The following GJD2 variants were observed in gnomAD, a reference collection of about 807,000 sequenced individuals.
The protein encoded by GJD2 is gap junction delta-2 protein.
In GJD2, 12 loss-of-function variants were observed where a neutral mutation model predicts 24.3. The ratio of observed to expected loss-of-function variants is 0.49; its 90% CI spans 0.32 to 0.80. The LOEUF (loss-of-function observed/expected upper bound fraction) is 0.80. Ranked by LOEUF, GJD2 falls within the 30% of genes least tolerant of loss-of-function variation. The pLI is 0.04. For synonymous variants in GJD2, 171 were observed against 155.2 expected, an observed-to-expected ratio of 1.10 and a Z score of -0.76; for missense variants, 268 against 402.4, an observed-to-expected ratio of 0.67 and a Z score of 2.86.
rs1426093751 is a variant in GJD2 at position 34,754,554 on chromosome 15, C to T, written c.-66G>A. 17 of 1,304,730 alleles carry T rather than the reference C, an allele frequency of 1.3e-5. No homozygotes were observed. The highest frequency in any genetic ancestry group is 1.9e-5 in the Non-Finnish European group (17 of 900,494). The allele number at this position is 1,304,730 out of a possible 1,614,324, so 80.8% of individuals were successfully genotyped here. A position where few individuals can be genotyped will look rare whatever the true frequency, so the allele number is the denominator to read the frequency against. Reference sequence around the variant, plus strand: ...CCGGGCACGTTCCCGCTCCTGGCCCCTCCCCGGGCCGCACTTCCAGAATGG... The same window carrying T: ...CCGGGCACGTTCCCGCTCCTGGCCCTTCCCCGGGCCGCACTTCCAGAATGG... On this transcript the variant is annotated 5_prime_UTR_variant, in exon 1 of 2. Coordinates refer to ENST00000290374, the MANE Select transcript of GJD2 (RefSeq NM_020660.3). This position sits in a 1 kb window ranked among gnomAD's most constrained non-coding sequence, Gnocchi z 5.9.
At position 34,754,316 on chromosome 15, in the gene GJD2, G is replaced by T; in HGVS notation, c.71+102C>A. 1.2e-6 allele frequency: 1 copy of T among 821,604 alleles called. No individual in the cohort carries two copies. Among genetic ancestry groups the T allele is most frequent in the East Asian group, 2.6e-5 (1 of 38,838 alleles). The allele number at this position is 821,604 out of a possible 1,614,324, so 50.9% of individuals were successfully genotyped here. A position where few individuals can be genotyped will look rare whatever the true frequency, so the allele number is the denominator to read the frequency against. On this transcript the variant is annotated intron_variant, in intron 1 of 1. Coordinates refer to ENST00000290374, the MANE Select transcript of GJD2 (RefSeq NM_020660.3). The surrounding 1 kb of genome is among the most constrained non-coding windows in gnomAD (Gnocchi z 5.9). ...CCTAGGACGATGGGGAGGAGGCAGA[G>T]GACGGACTGGGGATTGGAGCGGGAG...
In GJD2 at chr15:34,751,240, G is replaced by A. The variant is rs976641921; in HGVS notation, c.*1238C>T. On this transcript the variant is annotated 3_prime_UTR_variant, in exon 2 of 2. Coordinates refer to ENST00000290374, the MANE Select transcript of GJD2 (RefSeq NM_020660.3). The stretch of plus-strand genomic sequence containing the variant: ...TACAGTATGGCACTTAAATAAATAA[G>A]AGCAAAAAGAAGAAAACATATTGAC... 9 of 152,114 alleles carry A rather than the reference G, an allele frequency of 5.9e-5. No homozygotes were observed. The highest frequency in any genetic ancestry group is 2.1e-4 in the South Asian group (1 of 4,834). The allele number at this position is 152,114 out of a possible 1,614,324, so 9.4% of individuals were successfully genotyped here.
chr15:34,754,102 G>T lies in GJD2; in HGVS notation c.71+316C>A, dbSNP rs779682146. Among the ~76,000 whole-genome samples, 36 of 152,228 alleles carry T rather than the reference G, an allele frequency of 2.4e-4. No homozygotes were observed. Among genetic ancestry groups the T allele is most frequent in the Admixed American group, 7.8e-4 (12 of 15,290 alleles). The stretch of plus-strand genomic sequence containing the variant: ...GATTCTATTTAGGGAACCAAATGGA[G>T]ATTGGCTCTGACTCTGGAGAGTGGA... On this transcript the variant is annotated intron_variant, in intron 1 of 1. Transcript: ENST00000290374. The surrounding 1 kb of genome is among the most constrained non-coding windows in gnomAD (Gnocchi z 5.9).
Position 34,751,070 on chromosome 15 carries a change from C to T in GJD2, c.*1408G>A, listed in dbSNP as rs1359767966. 1.3e-5 allele frequency: 2 copies of T among 152,158 alleles called. No individual in the cohort carries two copies. Among genetic ancestry groups the T allele is most frequent in the African/African-American group, 4.8e-5 (2 of 41,432 alleles). 9.4% of individuals were successfully genotyped at this position (152,158 alleles called of 1,614,324 possible). A position where few individuals can be genotyped will look rare whatever the true frequency, so the allele number is the denominator to read the frequency against. ...GGCAAGAACTTTATTTTAAACAAAT[C>T]CTTAGTTGTGTGTTACACCATGTCC... On this transcript the variant is annotated 3_prime_UTR_variant, in exon 2 of 2. Coordinates refer to ENST00000290374, the MANE Select transcript of GJD2 (RefSeq NM_020660.3).
Position 34,752,384 on chromosome 15 carries a change from G to T in GJD2, c.*94C>A. On this transcript the variant is annotated 3_prime_UTR_variant, in exon 2 of 2. Coordinates refer to ENST00000290374, the MANE Select transcript of GJD2 (RefSeq NM_020660.3). ...TCTTATCCTACATCTTAATGGTGAG[G>T]GTCACATAAATGAGGGTGGATACAG... The T allele has an allele frequency of 1.0e-6, 1 of 978,380 alleles. No individual in the cohort carries two copies. The highest frequency in any genetic ancestry group is 1.5e-6 in the Non-Finnish European group (1 of 650,136). The allele number at this position is 978,380 out of a possible 1,614,324, so 60.6% of individuals were successfully genotyped here. A position where few individuals can be genotyped will look rare whatever the true frequency, so the allele number is the denominator to read the frequency against.
Position 34,751,452 on chromosome 15 carries a change from T to C in GJD2, c.*1026A>G. ...TAAATCAGGATTGACATGGGATGAT[T>C]AAGGTCTCTGGTGTAAGCACACAGG... On this transcript the variant is annotated 3_prime_UTR_variant, in exon 2 of 2. Transcript: ENST00000290374. 6.6e-6 allele frequency: 1 copy of C among 152,140 alleles called. No homozygotes were observed. The highest frequency in any genetic ancestry group is 1.5e-5 in the Non-Finnish European group (1 of 68,026). 9.4% of individuals were successfully genotyped at this position (152,140 alleles called of 1,614,324 possible).
rs1250385765 is a variant in GJD2, at chr15:34,754,445, A to G, written c.44T>C (p.Val15Ala). 1 of 1,613,838 alleles carries G rather than the reference A, an allele frequency of 6.2e-7. No individual in the cohort carries two copies. The highest frequency in any genetic ancestry group is 8.5e-7 in the Non-Finnish European group (1 of 1,179,932). ...TILERLLEAA[V>A]QQHSTMIGRI... is the part of the protein sequence containing the mutation. The stretch of plus-strand genomic sequence containing the variant: ...CCCGATCATAGTGGAGTGCTGCTGC[A>G]CCGCGGCTTCTAGCAGCCTCTCCAA... The change falls in exon 1 of 2, where the codon GTG (valine) becomes GCG (alanine). Residue 15 changes from valine to alanine, a missense_variant. Physicochemically the swap from Val to Ala is moderately conservative, Grantham distance 64. Around this residue, in one of 3 missense-constraint regions of GJD2, gnomAD observed 66 missense variants for 129.5 expected, o/e 0.51. Coordinates refer to ENST00000290374, the MANE Select transcript of GJD2 (RefSeq NM_020660.3). The surrounding 1 kb of genome is among the most constrained non-coding windows in gnomAD (Gnocchi z 5.9).
In GJD2 at chr15:34,751,335, C is replaced by A. The variant is rs1379198927; in HGVS notation, c.*1143G>T. 4 of 152,126 alleles carry A rather than the reference C, an allele frequency of 2.6e-5. No individual in the cohort carries two copies. 9.4% of individuals were successfully genotyped at this position (152,126 alleles called of 1,614,324 possible). On this transcript the variant is annotated 3_prime_UTR_variant, in exon 2 of 2. Transcript: ENST00000290374. Reference sequence around the variant, plus strand: ...TAAGTCACCGTAAACACACGTTAGCCAATAGTGTTTAGTTGCAGGTCTTTT... The same window carrying A: ...TAAGTCACCGTAAACACACGTTAGCAAATAGTGTTTAGTTGCAGGTCTTTT...
In GJD2 at chr15:34,753,190, A is replaced by G. The variant is rs773974980; in HGVS notation, c.254T>C (p.Met85Thr). The G allele has an allele frequency of 6.2e-7, 1 of 1,614,152 alleles. No homozygotes were observed. The part of the protein sequence containing the change: ...HIRYWVFQII[M>T]VCTPSLCFIT... ...GAAGCAAAGACTGGGGGTACACACCATTATGATCTGGAAGACCCAGTAACG... is the reference window on the plus strand; with the variant it reads ...GAAGCAAAGACTGGGGGTACACACCGTTATGATCTGGAAGACCCAGTAACG... The change falls in exon 2 of 2, where the codon ATG (methionine) becomes ACG (threonine). Residue 85 changes from methionine to threonine, a missense_variant. Around this residue, in one of 3 missense-constraint regions of GJD2, gnomAD observed 66 missense variants for 129.5 expected, o/e 0.51. Transcript: ENST00000290374.
Position 34,752,616 on chromosome 15 carries a change from T to C in GJD2, c.828A>G (p.Gly276=). 6.2e-7 allele frequency: 1 copy of C among 1,614,188 alleles called. No individual in the cohort carries two copies. Among genetic ancestry groups the C allele is most frequent in the Non-Finnish European group, 8.5e-7 (1 of 1,180,032 alleles). The part of the protein sequence containing the change: ...VLNLAELNHL[G]WRKIKLAVRG... Reference sequence around the variant, plus strand: ...GCACAGCCAGCTTGATCTTGCGCCATCCCAGGTGGTTGAGTTCAGCCAGGT... The same window carrying C: ...GCACAGCCAGCTTGATCTTGCGCCACCCCAGGTGGTTGAGTTCAGCCAGGT... The change falls in exon 2 of 2, where the codon GGA becomes GGG. Residue 276 remains glycine (G), a synonymous_variant. Coordinates refer to ENST00000290374, the MANE Select transcript of GJD2 (RefSeq NM_020660.3).
Position 34,751,954 on chromosome 15 carries a change from G to A in GJD2, c.*524C>T, listed in dbSNP as rs1891108768. 2 of 32,488 alleles carry A rather than the reference G, an allele frequency of 6.2e-5. No individual in the cohort carries two copies. The highest frequency in any genetic ancestry group is 1.1e-4 in the Non-Finnish European group (2 of 17,996). 2.0% of individuals were successfully genotyped at this position (32,488 alleles called of 1,614,324 possible). On this transcript the variant is annotated 3_prime_UTR_variant, in exon 2 of 2. Transcript: ENST00000290374. ...TAGGTCTAATGTAAGGCCAGATTCT[G>A]GAAAAAAAAAAAAAAAAAAAAAAAA...
At chr15:34,753,469 CTTTT>C in intron 1 of GJD2, 97 bp from the exon 2 acceptor site, 3 of 1,136,266 alleles carry the variant, frequency 2.6e-6, no homozygotes, top group Non-Finnish European at 3.7e-6. Flanking sequence ...GTTTACCAGT[CTTTT>C]GACTGGGGAG....
rs1247347632 is a variant in GJD2, at chr15:34,751,405, C to T, written c.*1073G>A. 1.3e-5 allele frequency: 2 copies of T among 151,998 alleles called. No individual in the cohort carries two copies. The highest frequency in any genetic ancestry group is 2.9e-5 in the Non-Finnish European group (2 of 68,020). 9.4% of individuals were successfully genotyped at this position (151,998 alleles called of 1,614,324 possible). Reference sequence around the variant, plus strand: ...TGTGTCTGTATATGTGTGTGTGTTTCAAAGAGTAACTGAAAAAATAATAAA... The same window carrying T: ...TGTGTCTGTATATGTGTGTGTGTTTTAAAGAGTAACTGAAAAAATAATAAA... On this transcript the variant is annotated 3_prime_UTR_variant, in exon 2 of 2. Transcript: ENST00000290374.
chr15:34,752,879 G>A lies in GJD2; in HGVS notation c.565C>T (p.Leu189Phe), dbSNP rs1891125241. The A allele has an allele frequency of 6.2e-7, 1 of 1,614,162 alleles. No individual in the cohort carries two copies. Among genetic ancestry groups the A allele is most frequent in the Non-Finnish European group, 8.5e-7 (1 of 1,180,026 alleles). Residue 189 changes from leucine to phenylalanine, a missense_variant, in exon 2 of 2, where the codon CTC becomes TTC. Coordinates refer to ENST00000290374, the MANE Select transcript of GJD2 (RefSeq NM_020660.3). The part of the protein sequence containing the change: ...SGLRTASKSK[L>F]RRQEGISRFY... ...CGGGAGATGCCTTCCTGCCTTCTGA[G>A]CTTGGATTTTGATGCAGTGCGTAGA... is the stretch of plus-strand genomic sequence containing the variant.
In GJD2 at chr15:34,752,395, TG is replaced by T; in HGVS notation, c.*82del. The stretch of plus-strand genomic sequence containing the variant: ...ATCTTAATGGTGAGGGTCACATAAA[TG>T]AGGGTGGATACAGCCACGTCTGAGC... On this transcript the variant is annotated 3_prime_UTR_variant, in exon 2 of 2. Transcript: ENST00000290374. 2.7e-6 allele frequency: 3 copies of T among 1,098,558 alleles called. No homozygotes were observed. Among genetic ancestry groups the T allele is most frequent in the Non-Finnish European group, 4.0e-6 (3 of 752,150 alleles). 68.1% of individuals were successfully genotyped at this position (1,098,558 alleles called of 1,614,324 possible).
rs949627945 is a variant in GJD2, at chr15:34,754,743, G to A, written c.-255C>T. 1 of 389,750 alleles carries A rather than the reference G, an allele frequency of 2.6e-6. No individual in the cohort carries two copies. Among genetic ancestry groups the A allele is most frequent in the South Asian group, 4.0e-5 (1 of 24,946 alleles). 24.1% of individuals were successfully genotyped at this position (389,750 alleles called of 1,614,324 possible). On this transcript the variant is annotated 5_prime_UTR_variant, in exon 1 of 2. Coordinates refer to ENST00000290374, the MANE Select transcript of GJD2 (RefSeq NM_020660.3). The surrounding 1 kb of genome is among the most constrained non-coding windows in gnomAD (Gnocchi z 5.9). Reference sequence around the variant, plus strand: ...TAGAGAGAGGGCACGAACCTCGGGCGCCGTCCGGGGTTCGGGTCTGGATCC... The same window carrying A: ...TAGAGAGAGGGCACGAACCTCGGGCACCGTCCGGGGTTCGGGTCTGGATCC...
Position 34,752,121 on chromosome 15 carries a change from C to A in GJD2, c.*357G>T. 3.9e-6 allele frequency: 1 copy of A among 255,308 alleles called. No individual in the cohort carries two copies. Among genetic ancestry groups the A allele is most frequent in the Non-Finnish European group, 7.6e-6 (1 of 132,370 alleles). 15.8% of individuals were successfully genotyped at this position (255,308 alleles called of 1,614,324 possible). ...TCACAAATTTTATATCAATGAAGTA[C>A]TCAACTCACACCATTCACCAGAATA... On this transcript the variant is annotated 3_prime_UTR_variant, in exon 2 of 2. Coordinates refer to ENST00000290374, the MANE Select transcript of GJD2 (RefSeq NM_020660.3).
Position 34,754,262 on chromosome 15 carries a change from C to T in GJD2, c.71+156G>A, listed in dbSNP as rs1179321005. Among the ~76,000 whole-genome samples, 6 of 152,144 alleles carry T rather than the reference C, an allele frequency of 3.9e-5. No homozygotes were observed. Among genetic ancestry groups the T allele is most frequent in the Admixed American group, 3.9e-4 (6 of 15,274 alleles). On this transcript the variant is annotated intron_variant, in intron 1 of 1. Transcript: ENST00000290374. The surrounding 1 kb of genome is among the most constrained non-coding windows in gnomAD (Gnocchi z 5.9). Reference sequence around the variant, plus strand: ...GGGCATCGCGGGGCGTCGGGTAATCCCTCATCGCCGGGAACACCGGAGCCT... The same window carrying T: ...GGGCATCGCGGGGCGTCGGGTAATCTCTCATCGCCGGGAACACCGGAGCCT...
Position 34,752,626 on chromosome 15 carries a change from T to G in GJD2, c.818A>C (p.Asn273Thr). 1 of 1,614,220 alleles carries G rather than the reference T, an allele frequency of 6.2e-7. No homozygotes were observed. The highest frequency in any genetic ancestry group is 8.5e-7 in the Non-Finnish European group (1 of 1,180,028). Reference sequence around the variant, plus strand: ...CTTGATCTTGCGCCATCCCAGGTGGTTGAGTTCAGCCAGGTTGAGCACAAC... The same window carrying G: ...CTTGATCTTGCGCCATCCCAGGTGGGTGAGTTCAGCCAGGTTGAGCACAAC... The part of the protein sequence containing the change: ...ICVVLNLAEL[N>T]HLGWRKIKLA... The change falls in exon 2 of 2, where the codon AAC (asparagine) becomes ACC (threonine). Residue 273 changes from asparagine to threonine, a missense_variant. By Grantham distance (65) the Asn-to-Thr change is moderately conservative. Around this residue, in one of 3 missense-constraint regions of GJD2, gnomAD observed 115 missense variants for 195.2 expected, o/e 0.59. Transcript: ENST00000290374.
Sources: gnomAD v4.1 joint callset for allele counts (sites outside exome capture counted in the v4.1 genomes callset) on GRCh38, gnomAD v4.1.1 for gene constraint, gnomAD v4.1.1 regional missense constraint, Gnocchi (gnomAD v3.1) non-coding constraint, MANE v1.5 for transcripts, NCBI Gene and HGNC (gene_info 2026-07-23, HGNC 2026-07-21) for gene names.